Variants in PPWD1 observed in about 807,000 individuals in gnomAD.
PPWD1 encodes peptidylprolyl isomerase domain and WD repeat containing 1.
Under a neutral mutation model 68.8 loss-of-function variants are expected in PPWD1, and 43 were observed. The ratio of observed to expected loss-of-function variants is 0.62; its 90% CI spans 0.49 to 0.81. PPWD1 has a LOEUF of 0.81. Among genes scored for constraint, PPWD1 ranks in the 30% least tolerant of loss-of-function variants. The pLI is 0.00. For synonymous variants in PPWD1, 232 were observed against 258.7 expected, an observed-to-expected ratio of 0.90 and a Z score of 0.99; for missense variants, 672 against 804.8, an observed-to-expected ratio of 0.83 and a Z score of 2.00.
intron 5 of PPWD1, among the ~76,000 whole-genome samples, chr5:65,576,064 G>T (rs1753265704): frequency 1.3e-5 from 2 of 152,118 alleles, no homozygotes; most frequent in African/African-American, 4.8e-5. Context: ...TAAAATACAA[G>T]ATTTCAAAGA....
Position 65,571,868 on chromosome 5 carries a change from A to G in PPWD1, c.551A>G (p.Tyr184Cys), listed in dbSNP as rs151288282. ...TTTCCTGGACAGTGTGAGTGGATCT[A>G]TTGCCCAGGGGATGCAATTTCTTCA... ...GYFPGQCEWI[Y>C]CPGDAISSVA... Residue 184 changes from tyrosine to cysteine, a missense_variant, in exon 5 of 11, where the codon TAT (tyrosine) becomes TGT (cysteine). Coordinates refer to ENST00000261308, the MANE Select transcript of PPWD1 (RefSeq NM_015342.4). The G allele has an allele frequency of 2.5e-4, 398 of 1,613,722 alleles. No individual in the cohort carries two copies. The highest frequency in any genetic ancestry group is 3.0e-4 in the Non-Finnish European group (359 of 1,179,926).
chr5:65,569,846 C>T (rs1361749142), intron 3 of PPWD1, 32 bp from the exon 4 acceptor site: 2 of 1,574,608 alleles, frequency 1.3e-6, no homozygotes, highest in African/African-American at 1.4e-5. Flanking sequence ...CTGTTATTTA[C>T]TAGAATGTTT....
At chr5:65,563,831 CTTATT>C in intron 1 of PPWD1, 1 of 1,499,908 alleles carries the variant, frequency 6.7e-7, no homozygotes, top group East Asian at 2.5e-5. Flanking sequence ...ATTTCGAACT[CTTATT>C]TAGGTATGCA....
intron 7 of PPWD1, 118 bp from the exon 8 acceptor site, chr5:65,582,920 G>A (rs2150607422): frequency 7.8e-7 from 1 of 1,285,784 alleles, no homozygotes; most frequent in Non-Finnish European, 1.0e-6. Flanking sequence ...CTGAAATAAG[G>A]ATTCTGATGT....
chr5:65,569,961 G>A lies in PPWD1; in HGVS notation c.484G>A (p.Val162Ile), dbSNP rs758610685. 5 of 1,612,174 alleles carry A rather than the reference G, an allele frequency of 3.1e-6. No individual in the cohort carries two copies. Among genetic ancestry groups the A allele is most frequent in the East Asian group, 4.5e-5 (2 of 44,764 alleles). Residue 162 changes from valine to isoleucine, a missense_variant, in exon 4 of 11, where the codon GTA becomes ATA. Val to Ile is a conservative substitution (Grantham distance 29). Transcript: ENST00000261308. ...TGATAAAGCAATGAAGGTGTTTGAT[G>A]TAGTGAACTTTGACATGATCAACAT... The part of the protein sequence containing the change: ...GDDKAMKVFD[V>I]VNFDMINMLK...
At chr5:65,587,091 T>C (rs1168092852) in intron 10 of PPWD1, 162 bp from the exon 11 acceptor site, 1 of 460,766 alleles carries the variant, frequency 2.2e-6, no homozygotes, top group African/African-American at 2.1e-5. Flanking sequence ...AAATAACTTT[T>C]AAAAGCTGCT....
intron 4 of PPWD1, 172 bp downstream of exon 4, chr5:65,570,170 G>T (rs1431369535): frequency 2.3e-6 from 2 of 882,922 alleles, no homozygotes; most frequent in Non-Finnish European, 2.7e-6. Context: ...ATGTTTGGAA[G>T]CATCTGCTAT....
chr5:65,574,864 G>C (rs953802936), intron 5 of PPWD1, among the ~76,000 whole-genome samples: 5 of 152,218 alleles, frequency 3.3e-5, no homozygotes, highest in African/African-American at 1.2e-4. Flanking sequence ...GAGGTGACAA[G>C]AAGTCAGTAG....
intron 7 of PPWD1, among the ~76,000 whole-genome samples, chr5:65,580,628 C>T (rs536465101): frequency 7.9e-5 from 12 of 152,272 alleles, no homozygotes; most frequent in Admixed American, 5.9e-4. Flanking sequence ...ATTCGCCTGC[C>T]TCAGTCTCCT....
At chr5:65,582,268 C>A (rs898933182) in intron 7 of PPWD1, among the ~76,000 whole-genome samples, 1 of 152,172 alleles carries the variant, frequency 6.6e-6, no homozygotes, top group Non-Finnish European at 1.5e-5. Context: ...AGAGTTTTAA[C>A]AACTGAAAGG....
At chr5:65,585,860 TG>T in intron 9 of PPWD1, 138 bp from the exon 10 acceptor site, 1 of 1,272,378 alleles carries the variant, frequency 7.9e-7, no homozygotes, top group Non-Finnish European at 1.0e-6. Context: ...CAAATTTAAG[TG>T]TTAAGGGTTT....
At chr5:65,575,353 T>C (rs971481952) in intron 5 of PPWD1, among the ~76,000 whole-genome samples, 4 of 152,222 alleles carry the variant, frequency 2.6e-5, no homozygotes, top group African/African-American at 7.2e-5. Flanking sequence ...CAGCGTAATA[T>C]GTATCAGTCT....
At chr5:65,563,579 G>C in intron 1 of PPWD1, 73 bp downstream of exon 1, 1 of 1,499,320 alleles carries the variant, frequency 6.7e-7, no homozygotes, top group Non-Finnish European at 9.0e-7. Context: ...AGCCAGATCC[G>C]AAGAGGGATG....
At chr5:65,580,579 C>T (rs1034221883) in intron 7 of PPWD1, among the ~76,000 whole-genome samples, 1 of 152,154 alleles carries the variant, frequency 6.6e-6, no homozygotes, top group Admixed American at 6.5e-5. Flanking sequence ...AGTGACGTGA[C>T]TTCAGCTCAC....
At chr5:65,563,634 C>T in intron 1 of PPWD1, 128 bp downstream of exon 1, 3 of 1,278,886 alleles carry the variant, frequency 2.3e-6, no homozygotes, top group Non-Finnish European at 3.2e-6. Context: ...CGTCCTCTCA[C>T]TTCTGGCTAC....
intron 5 of PPWD1, among the ~76,000 whole-genome samples, chr5:65,573,123 C>A (rs1351063366): frequency 6.6e-6 from 1 of 151,906 alleles, no homozygotes; most frequent in Non-Finnish European, 1.5e-5. Context: ...CTTGAACCTG[C>A]CTCCCACCAC....
intron 9 of PPWD1, among the ~76,000 whole-genome samples, chr5:65,585,538 A>G (rs910033438): frequency 1.3e-5 from 2 of 152,160 alleles, no homozygotes; most frequent in African/African-American, 2.4e-5. Flanking sequence ...GCAGCTTTCC[A>G]TAAAGTGGAT....
chr5:65,578,193 C>G (rs1753395463), intron 6 of PPWD1, among the ~76,000 whole-genome samples: 1 of 152,164 alleles, frequency 6.6e-6, no homozygotes, highest in African/African-American at 2.4e-5. Context: ...CTTTTTAGCA[C>G]TGAATAATAC....
chr5:65,572,173 G>A lies in PPWD1; in HGVS notation c.856G>A (p.Val286Ile), dbSNP rs150307628. ...FAKCKAYPTSVCFSPDGKKIA... is the reference protein window; with the variant it reads ...FAKCKAYPTSICFSPDGKKIA... ...CAAGTGTAAGGCTTATCCAACCAGCGTATGTTTTTCACCAGATGGGAAGAA... is the reference window on the plus strand; with the variant it reads ...CAAGTGTAAGGCTTATCCAACCAGCATATGTTTTTCACCAGATGGGAAGAA... The change falls in exon 5 of 11, where the codon GTA becomes ATA. Residue 286 changes from valine to isoleucine, a missense_variant. By Grantham distance (29) the Val-to-Ile change is conservative (BLOSUM62 3). Around this residue, in one of 2 missense-constraint regions of PPWD1, gnomAD observed 484 missense variants for 646.2 expected, o/e 0.75. Coordinates refer to ENST00000261308, the MANE Select transcript of PPWD1 (RefSeq NM_015342.4). 420 of 1,613,894 alleles carry A rather than the reference G, an allele frequency of 2.6e-4. 3 individuals carry two copies. In the Middle Eastern group the frequency reaches 5.4e-3, roughly 21 times the overall value.
Sources: gnomAD v4.1 joint callset for allele counts (sites outside exome capture counted in the v4.1 genomes callset) on GRCh38, gnomAD v4.1.1 for gene constraint, gnomAD v4.1.1 regional missense constraint, MANE v1.5 for transcripts, NCBI Gene and HGNC (gene_info 2026-07-23, HGNC 2026-07-21) for gene names.